The following BIRC3 variants were observed in gnomAD, a reference collection of about 807,000 sequenced individuals.
The protein encoded by BIRC3 is baculoviral IAP repeat containing 3.
In BIRC3, 26 loss-of-function variants were observed where a neutral mutation model predicts 59.0. The ratio of observed to expected loss-of-function variants is 0.44; its 90% CI spans 0.32 to 0.61. The LOEUF (loss-of-function observed/expected upper bound fraction) is 0.61, where lower values mean the gene tolerates loss of function less well. BIRC3 is among the 20% of genes least tolerant of loss of function. The probability of loss-of-function intolerance (pLI) is 0.04; values close to 1 mark genes in which losing one functional copy is unlikely to be tolerated. For missense variants in BIRC3, 641 were observed against 711.5 expected (o/e 0.90, Z 1.13); for synonymous variants, 243 against 249.2 (o/e 0.98, Z 0.24).
chr11:102,326,562 G>A lies in BIRC3; in HGVS notation c.953+997G>A, dbSNP rs563741787. 1.5e-3 allele frequency among the ~76,000 whole-genome samples: 223 copies of A among 152,104 alleles called. 1 individual carries two copies. Among genetic ancestry groups the A allele is most frequent in the Non-Finnish European group, 2.5e-3 (167 of 67,980 alleles). On this transcript the variant is annotated intron_variant, in intron 3 of 8. Coordinates refer to ENST00000263464, the MANE Select transcript of BIRC3 (RefSeq NM_001165.5). ...GTGGCCTACAATTACATTTTTTCATGGTCAAAACTTTTGCTATTATTCAAC... is the reference window on the plus strand; with the variant it reads ...GTGGCCTACAATTACATTTTTTCATAGTCAAAACTTTTGCTATTATTCAAC...
At chr11:102,317,650 C>G (rs1463049181) in intron 1 of BIRC3, 79 bp downstream of exon 1, 1 of 153,390 alleles carries the variant, frequency 6.5e-6, no homozygotes, top group South Asian at 2.1e-4. Flanking sequence ...CGCGCCTCCC[C>G]TGGTGTAAGA....
Position 102,336,808 on chromosome 11 carries a change from G to C in BIRC3, c.1621+7G>C. The C allele has an allele frequency of 6.2e-7, 1 of 1,604,428 alleles. No individual in the cohort carries two copies. Among genetic ancestry groups the C allele is most frequent in the South Asian group, 1.1e-5 (1 of 88,616 alleles). On this transcript the variant is annotated splice_region_variant and intron_variant, in intron 8 of 8. Transcript: ENST00000263464. Reference sequence around the variant, plus strand: ...CCCACAGAAGATGTTTCAGGTAATAGTACTAATATTTTAAATCAATAGAGA... The same window carrying C: ...CCCACAGAAGATGTTTCAGGTAATACTACTAATATTTTAAATCAATAGAGA...
Position 102,336,152 on chromosome 11 carries a change from A to G in BIRC3, c.1511A>G (p.Asn504Ser). 6.2e-7 allele frequency: 1 copy of G among 1,613,926 alleles called. No homozygotes were observed. The highest frequency in any genetic ancestry group is 8.5e-7 in the Non-Finnish European group (1 of 1,179,914). The change falls in exon 7 of 9, where the codon AAT (asparagine) becomes AGT (serine). Residue 504 changes from asparagine to serine, a missense_variant. Coordinates refer to ENST00000263464, the MANE Select transcript of BIRC3 (RefSeq NM_001165.5). ...ELIDTILVKG[N>S]IAATVFRNSL... is the part of the protein sequence containing the mutation. Reference sequence around the variant, plus strand: ...ATTGATACGATTTTAGTAAAAGGAAATATTGCAGCCACTGTATTCAGAAAC... The same window carrying G: ...ATTGATACGATTTTAGTAAAAGGAAGTATTGCAGCCACTGTATTCAGAAAC...
chr11:102,339,173 G>A lies in BIRC3; in HGVS notation c.*2071G>A, dbSNP rs557613613. 4.9e-6 allele frequency: 1 copy of A among 202,158 alleles called. No individual in the cohort carries two copies. Among genetic ancestry groups the A allele is most frequent in the Non-Finnish European group, 1.0e-5 (1 of 99,118 alleles). 12.5% of individuals were successfully genotyped at this position (202,158 alleles called of 1,614,324 possible). A position where few individuals can be genotyped will look rare whatever the true frequency, so the allele number is the denominator to read the frequency against. On this transcript the variant is annotated 3_prime_UTR_variant, in exon 9 of 9. Transcript: ENST00000263464. ...TTAGGTGATTTGTAACTCAGGTATA[G>A]GGTATTTAAATAGTAGGCACCCTTT...
At chr11:102,318,352 C>A (rs894725755) in intron 1 of BIRC3, among the ~76,000 whole-genome samples, 1 of 152,146 alleles carries the variant, frequency 6.6e-6, no homozygotes, top group South Asian at 2.1e-4. Flanking sequence ...ATGTCTGACT[C>A]CAAAGCCTGA....
intron 1 of BIRC3, among the ~76,000 whole-genome samples, 184 bp downstream of exon 1, chr11:102,317,755 C>G (rs962431039): frequency 2.0e-5 from 3 of 152,206 alleles, no homozygotes; most frequent in Non-Finnish European, 4.4e-5. Context: ...TATCAAACAC[C>G]AGGGCCCAAA....
chr11:102,317,821 C>G (rs1950986199), intron 1 of BIRC3, among the ~76,000 whole-genome samples: 1 of 152,284 alleles, frequency 6.6e-6, no homozygotes, highest in African/African-American at 2.4e-5. Flanking sequence ...TTGGAGTGAG[C>G]CAGTGGAATT....
rs781097234 is a variant in BIRC3, at chr11:102,336,898, C to T, written c.1622-11C>T. On this transcript the variant is annotated splice_polypyrimidine_tract_variant and intron_variant, in intron 8 of 8. Coordinates refer to ENST00000263464, the MANE Select transcript of BIRC3 (RefSeq NM_001165.5). ...AACTGCCTTTTATTAAAAATTCTTT[C>T]CTCTTTCTAGATCTACCAGTGGAAG... 14 of 1,592,576 alleles carry T rather than the reference C, an allele frequency of 8.8e-6. No individual in the cohort carries two copies. Among genetic ancestry groups the T allele is most frequent in the South Asian group, 3.5e-5 (3 of 85,844 alleles).
chr11:102,333,116 A>G (rs1436232533), intron 6 of BIRC3, among the ~76,000 whole-genome samples: 2 of 152,220 alleles, frequency 1.3e-5, no homozygotes, highest in East Asian at 3.8e-4. Flanking sequence ...CATTATATAT[A>G]TATCTCTACT....
At position 102,325,278 on chromosome 11, in the gene BIRC3, G is replaced by T. The variant is rs774161644; in HGVS notation, c.769G>T (p.Ala257Ser). 10 of 1,614,018 alleles carry T rather than the reference G, an allele frequency of 6.2e-6. No homozygotes were observed. Among genetic ancestry groups the T allele is most frequent in the Non-Finnish European group, 8.5e-6 (10 of 1,180,024 alleles). The change falls in exon 2 of 9, where the codon GCC becomes TCC. Residue 257 changes from alanine (A) to serine (S), a missense_variant. This residue lies in a region of BIRC3 where 329 missense variants were observed against 365.6 expected (regional missense o/e 0.90). Transcript: ENST00000263464. ...TAATCTGAGCATGCAGACACATGCA[G>T]CCCGCTTTAAAACATTCTTTAACTG... The part of the protein sequence containing the change: ...VSNLSMQTHA[A>S]RFKTFFNWPS...
chr11:102,326,434 C>G (rs1437711569), intron 3 of BIRC3, among the ~76,000 whole-genome samples: 1 of 152,154 alleles, frequency 6.6e-6, no homozygotes, highest in African/African-American at 2.4e-5. Context: ...TCCTGATTAG[C>G]TTGCAAGTGT....
rs1173728754 is a variant in BIRC3, at chr11:102,324,886, C to A, written c.377C>A (p.Pro126Gln). Residue 126 changes from proline (P) to glutamine (Q), a missense_variant, in exon 2 of 9, where the codon CCG becomes CAG. This residue lies in a region of BIRC3 where 329 missense variants were observed against 365.6 expected (regional missense o/e 0.90). Transcript: ENST00000263464. The stretch of plus-strand genomic sequence containing the variant: ...ACAAATTCCACACACTCATTACTTC[C>A]GGGTACAGAAAACAGTGGATATTTC... ...SVTNSTHSLL[P>Q]GTENSGYFRG... is the part of the protein sequence containing the mutation. 6.2e-7 allele frequency: 1 copy of A among 1,614,066 alleles called. No homozygotes were observed.
Position 102,322,043 on chromosome 11 carries a change from T to C in BIRC3, c.-2467T>C, listed in dbSNP as rs1028356626. 5 of 196,990 alleles carry C rather than the reference T, an allele frequency of 2.5e-5. No homozygotes were observed. In the East Asian group the frequency reaches 4.0e-4, roughly 16 times the overall value. The allele number at this position is 196,990 out of a possible 1,614,324, so 12.2% of individuals were successfully genotyped here. ...ATTTTATAAACATGATCGAGTTATA[T>C]AAGGTATACCATAATGAGTTTGATT... On this transcript the variant is annotated 5_prime_UTR_variant, in exon 2 of 9. Coordinates refer to ENST00000263464, the MANE Select transcript of BIRC3 (RefSeq NM_001165.5).
At chr11:102,326,852 G>A (rs1241380326) in intron 3 of BIRC3, 1 of 444,462 alleles carries the variant, frequency 2.2e-6, no homozygotes, top group Non-Finnish European at 4.5e-6. Context: ...GGGATTACAG[G>A]TGCACGCTAG....
intron 5 of BIRC3, among the ~76,000 whole-genome samples, chr11:102,329,960 A>C (rs1392938778): frequency 6.6e-6 from 1 of 152,182 alleles, no homozygotes; most frequent in Non-Finnish European, 1.5e-5. Flanking sequence ...GAAAAAAAGA[A>C]TACAGAACAG....
At position 102,323,500 on chromosome 11, in the gene BIRC3, C is replaced by A; in HGVS notation, c.-1010C>A. The A allele has an allele frequency of 5.3e-6, 1 of 187,632 alleles. No homozygotes were observed. The highest frequency in any genetic ancestry group is 2.0e-4 in the South Asian group (1 of 5,122). The allele number at this position is 187,632 out of a possible 1,614,324, so 11.6% of individuals were successfully genotyped here. ...AACTGAGTCCAAAAGACCAAATGAA[C>A]AAACACATTAATCTCTGATTATTTA... On this transcript the variant is annotated 5_prime_UTR_variant, in exon 2 of 9. Coordinates refer to ENST00000263464, the MANE Select transcript of BIRC3 (RefSeq NM_001165.5).
chr11:102,333,648 A>G (rs546742435), intron 6 of BIRC3, among the ~76,000 whole-genome samples: 1 of 152,262 alleles, frequency 6.6e-6, no homozygotes, highest in Admixed American at 6.5e-5. Flanking sequence ...CAGGAGGCTC[A>G]GGTACAAAAA....
At chr11:102,335,835 C>A in intron 6 of BIRC3, 131 bp from the exon 7 acceptor site, 1 of 908,426 alleles carries the variant, frequency 1.1e-6, no homozygotes, top group Non-Finnish European at 1.6e-6. Flanking sequence ...ACCCCTAAAC[C>A]TAGCAATCAA....
Position 102,324,377 on chromosome 11 carries a change from T to C in BIRC3, c.-133T>C. Reference sequence around the variant, plus strand: ...TCTCCATGTTGAAACTCTAAATGCATAGAAATAAAAATAATAAAAAATTTT... The same window carrying C: ...TCTCCATGTTGAAACTCTAAATGCACAGAAATAAAAATAATAAAAAATTTT... On this transcript the variant is annotated 5_prime_UTR_variant, in exon 2 of 9. Coordinates refer to ENST00000263464, the MANE Select transcript of BIRC3 (RefSeq NM_001165.5). 5 of 1,021,158 alleles carry C rather than the reference T, an allele frequency of 4.9e-6. No individual in the cohort carries two copies. Among genetic ancestry groups the C allele is most frequent in the South Asian group, 1.9e-5 (1 of 51,820 alleles). The allele number at this position is 1,021,158 out of a possible 1,614,324, so 63.3% of individuals were successfully genotyped here.
Sources: gnomAD v4.1 joint callset for allele counts (sites outside exome capture counted in the v4.1 genomes callset) on GRCh38, gnomAD v4.1.1 for gene constraint, gnomAD v4.1.1 regional missense constraint, MANE v1.5 for transcripts, NCBI Gene and HGNC (gene_info 2026-07-23, HGNC 2026-07-21) for gene names.